Variants in COL14A1 observed in about 807,000 individuals in gnomAD.
COL14A1 encodes collagen alpha-1(XIV) chain.
A neutral mutation model predicts 230.3 loss-of-function variants in COL14A1; 136 were observed. That is an observed-to-expected ratio of 0.59 (90% CI 0.51 to 0.68). The LOEUF (loss-of-function observed/expected upper bound fraction) is 0.68. COL14A1 is among the 30% of genes least tolerant of loss of function. The pLI is 0.00. For missense variants in COL14A1, 1,976 were observed against 2,215.8 expected, an observed-to-expected ratio of 0.89 and a Z score of 2.17; for synonymous variants, 792 against 784.1, an observed-to-expected ratio of 1.01 and a Z score of -0.17.
At chr8:120,227,465 T>C (rs1818134768) in intron 17 of COL14A1, 113 bp downstream of exon 17, 2 of 1,347,834 alleles carry the variant, frequency 1.5e-6, no homozygotes, top group South Asian at 1.4e-5. Flanking sequence ...TCAATTTCTC[T>C]TTGTCCCCCA....
chr8:120,338,674 A>G (rs1451349649), intron 42 of COL14A1, among the ~76,000 whole-genome samples: 1 of 152,226 alleles, frequency 6.6e-6, no homozygotes, highest in Non-Finnish European at 1.5e-5. Flanking sequence ...GGTTTAGCTG[A>G]GTTAACATGC....
intron 7 of COL14A1, 144 bp from the exon 8 acceptor site, chr8:120,199,258 A>G (rs1447768864): frequency 1.5e-6 from 1 of 673,220 alleles, no homozygotes; most frequent in Non-Finnish European, 2.3e-6. Flanking sequence ...TCTGTGAAAG[A>G]CAACGTTATT....
At position 120,280,032 on chromosome 8, in the gene COL14A1, T is replaced by C. The variant is rs139381426; in HGVS notation, c.3579T>C (p.Asp1193=). The C allele has an allele frequency of 6.2e-7, 1 of 1,613,802 alleles. No individual in the cohort carries two copies. Among genetic ancestry groups the C allele is most frequent in the Non-Finnish European group, 8.5e-7 (1 of 1,179,874 alleles). Residue 1193 remains aspartate (D), a synonymous_variant, in exon 29 of 48, where the codon GAT becomes GAC. Coordinates refer to ENST00000297848, the MANE Select transcript of COL14A1 (RefSeq NM_021110.4). ...GCGCACGCCATGTCTTCTTTGTGGA[T>C]GACTTTGACGCCTTTAAGAAAATCG... is the stretch of plus-strand genomic sequence containing the variant. The part of the protein sequence containing the change: ...KPSARHVFFV[D]DFDAFKKIED...
At chr8:120,295,111 TGCTCTGAGG>T (rs1188033280) in intron 34 of COL14A1, among the ~76,000 whole-genome samples, 1 of 151,902 alleles carries the variant, frequency 6.6e-6, no homozygotes, top group Non-Finnish European at 1.5e-5. Context: ...AAAATGTTTT[TGCTCTGAGG>T]GCTCTACTCA....
At chr8:120,363,030 G>A (rs904583969) in intron 45 of COL14A1, among the ~76,000 whole-genome samples, 2 of 152,080 alleles carry the variant, frequency 1.3e-5, no homozygotes, top group Non-Finnish European at 1.5e-5. Flanking sequence ...ACCACACAAG[G>A]AACTTGTTAG....
At chr8:120,301,763 C>A (rs987614206) in intron 36 of COL14A1, among the ~76,000 whole-genome samples, 2 of 152,100 alleles carry the variant, frequency 1.3e-5, no homozygotes, top group Non-Finnish European at 2.9e-5. Flanking sequence ...GTTTGTAGCT[C>A]TTTGAGGAAT....
chr8:120,159,721 GCT>G (rs1815598568), intron 3 of COL14A1, among the ~76,000 whole-genome samples: 1 of 151,824 alleles, frequency 6.6e-6, no homozygotes, highest in Admixed American at 6.6e-5. Context: ...ACTGAGTTTC[GCT>G]CTTTGTTGCC....
chr8:120,139,253 T>C (rs2130423015), intron 1 of COL14A1, among the ~76,000 whole-genome samples: 1 of 152,358 alleles, frequency 6.6e-6, no homozygotes, highest in South Asian at 2.1e-4. Flanking sequence ...GTATAAAATA[T>C]GCTTAAATAT....
At chr8:120,203,965 C>G (rs1817345321) in intron 9 of COL14A1, 95 bp downstream of exon 9, 1 of 1,294,432 alleles carries the variant, frequency 7.7e-7, no homozygotes, top group South Asian at 1.6e-5. Context: ...TTCATGTTGG[C>G]TTTTTGAAGA....
At chr8:120,212,203 G>A (rs928205182) in intron 12 of COL14A1, among the ~76,000 whole-genome samples, 1 of 152,194 alleles carries the variant, frequency 6.6e-6, no homozygotes, top group Non-Finnish European at 1.5e-5. Flanking sequence ...CATTTGTCCA[G>A]ATGTAAAGAG....
chr8:120,229,607 A>G (rs1208834645), intron 18 of COL14A1, among the ~76,000 whole-genome samples: 1 of 152,174 alleles, frequency 6.6e-6, no homozygotes, highest in Non-Finnish European at 1.5e-5. Flanking sequence ...CATGATTTAT[A>G]GTCCTTTGGG....
At chr8:120,261,998 G>A (rs1819341980) in intron 23 of COL14A1, among the ~76,000 whole-genome samples, 2 of 152,130 alleles carry the variant, frequency 1.3e-5, no homozygotes, top group African/African-American at 4.8e-5. Context: ...CAGCTTTGAA[G>A]ACAACCTGGA....
chr8:120,159,336 G>A (rs1000370488), intron 3 of COL14A1, among the ~76,000 whole-genome samples: 2 of 152,142 alleles, frequency 1.3e-5, no homozygotes, highest in Non-Finnish European at 2.9e-5. Flanking sequence ...TAAGTGCTCA[G>A]TAAATGTTAC....
intron 42 of COL14A1, 74 bp downstream of exon 42, chr8:120,332,809 CCTTT>C: frequency 8.3e-7 from 1 of 1,207,962 alleles, no homozygotes; most frequent in Admixed American, 2.2e-5. Flanking sequence ...AATTTACCAG[CCTTT>C]CTGTTAGTCA....
intron 9 of COL14A1, among the ~76,000 whole-genome samples, chr8:120,205,802 G>A (rs888547549): frequency 6.6e-6 from 1 of 152,134 alleles, no homozygotes; most frequent in Non-Finnish European, 1.5e-5. Context: ...CCTGCCCATA[G>A]TTTGTGTTCA....
At chr8:120,340,061 G>A (rs1410007763) in intron 42 of COL14A1, among the ~76,000 whole-genome samples, 6 of 146,820 alleles carry the variant, frequency 4.1e-5, no homozygotes, top group East Asian at 4.0e-4. Context: ...AAAAAAAAGT[G>A]TGTGGGTGTG....
At chr8:120,331,466 GT>G (rs907340401) in intron 40 of COL14A1, among the ~76,000 whole-genome samples, 2 of 152,108 alleles carry the variant, frequency 1.3e-5, no homozygotes, top group Non-Finnish European at 2.9e-5. Flanking sequence ...AGCTTTTGTA[GT>G]TTTTTTAACA....
chr8:120,164,023 A>G (rs535801785), intron 4 of COL14A1, among the ~76,000 whole-genome samples: 38 of 152,298 alleles, frequency 2.5e-4, no homozygotes, highest in Non-Finnish European at 4.3e-4. Flanking sequence ...AAAATTTTGT[A>G]TTGTGAATGC....
chr8:120,126,125 A>AC (rs982912841), intron 1 of COL14A1, among the ~76,000 whole-genome samples: 21 of 151,500 alleles, frequency 1.4e-4, no homozygotes, highest in Admixed American at 7.2e-4. Context: ...TCTCTCTGAC[A>AC]CCCCCCGCAC....
Sources: allele counts gnomAD v4.1 joint callset (sites outside exome capture counted in the v4.1 genomes callset), GRCh38; gene constraint gnomAD v4.1.1; transcripts MANE v1.5; gene names NCBI Gene and HGNC (gene_info 2026-07-23, HGNC 2026-07-21).